The following ABR variants were observed in gnomAD, a reference collection of about 807,000 sequenced individuals.
ABR encodes the protein ABR activator of RhoGEF and GTPase, also known as active breakpoint cluster region-related protein.
In ABR, 35 loss-of-function variants were observed where a neutral mutation model predicts 107.2. That is an observed-to-expected ratio of 0.33 (90% CI 0.25 to 0.43). The LOEUF (loss-of-function observed/expected upper bound fraction) is 0.43. ABR is among the 20% of genes least tolerant of loss of function. The pLI, the probability that ABR is intolerant of heterozygous loss-of-function variation, is 1.00. For synonymous variants in ABR, 498 were observed against 462.0 expected, an observed-to-expected ratio of 1.08 and a Z score of -1.00; for missense variants, 815 against 1,115.2, an observed-to-expected ratio of 0.73 and a Z score of 3.83.
At chr17:1,123,304 G>A (rs1263763325) in intron 2 of ABR, among the ~76,000 whole-genome samples, 1 of 152,126 alleles carries the variant, frequency 6.6e-6, no homozygotes, top group Non-Finnish European at 1.5e-5. Context: ...AACCCTGGGG[G>A]CCACAAGCAC....
chr17:1,012,572 CG>C lies in ABR; in HGVS notation c.1961+115del, dbSNP rs765550344. The C allele has an allele frequency of 2.1e-4, 164 of 773,038 alleles. No individual in the cohort carries two copies. In the African/African-American group the frequency reaches 2.4e-3, roughly 12 times the overall value. 47.9% of individuals were successfully genotyped at this position (773,038 alleles called of 1,614,324 possible). A position where few individuals can be genotyped will look rare whatever the true frequency, so the allele number is the denominator to read the frequency against. ...ACACCGGCCATCTGCCACCGCCGAG[CG>C]GGGGGTAACTGATTAGGTGCCAGGA... On this transcript the variant is annotated intron_variant, in intron 18 of 22. Coordinates refer to ENST00000302538, the MANE Select transcript of ABR (RefSeq NM_021962.5).
upstream of ABR, chr17:1,180,016 G>A (rs1241846773): frequency 4.5e-6 from 1 of 223,308 alleles, no homozygotes; most frequent in East Asian, 7.9e-5. Context: ...GTGGGGCTTC[G>A]TGGTGGGGCG....
At chr17:1,144,354 C>T (rs2040438234) in intron 1 of ABR, among the ~76,000 whole-genome samples, 1 of 151,710 alleles carries the variant, frequency 6.6e-6, no homozygotes, top group Non-Finnish European at 1.5e-5. Context: ...ACCCCCAGCT[C>T]CGTTACGAGT....
At position 1,203,429 on chromosome 17, in the gene ABR, C is replaced by T. The variant is rs537672484; in HGVS notation, c.838+25364G>A. Among the ~76,000 whole-genome samples the T allele has an allele frequency of 4.6e-3, 28 of 6,068 alleles. 7 individuals carry two copies. The East Asian group carries it at 0.095, about 21-fold the overall frequency. 4.0% of individuals were successfully genotyped at this position (6,068 alleles called of 152,430 possible). The stretch of plus-strand genomic sequence containing the variant: ...GGGCGGAGTCTGCGGGGGCGGGGCC[C>T]GCGGGGACGGAGTCTGCGGGGGCGG... On this transcript the variant is annotated intron_variant, in intron 1 of 22. Transcript: ENST00000574139.
At chr17:1,096,109 C>G (rs955447490) in intron 3 of ABR, among the ~76,000 whole-genome samples, 1 of 152,104 alleles carries the variant, frequency 6.6e-6, no homozygotes, top group Non-Finnish European at 1.5e-5. Context: ...TTTTTTCCTT[C>G]ACCCCCTACT....
intron 16 of ABR, among the ~76,000 whole-genome samples, chr17:1,018,618 G>A (rs999724882): frequency 3.9e-5 from 6 of 152,154 alleles, no homozygotes; most frequent in African/African-American, 1.4e-4. Flanking sequence ...GGGGGAGTGT[G>A]CAGGATTTGG....
chr17:1,035,084 G>A (rs530296198), intron 16 of ABR, among the ~76,000 whole-genome samples: 2 of 151,986 alleles, frequency 1.3e-5, no homozygotes, highest in South Asian at 4.1e-4. Context: ...ATGGACTGGG[G>A]GCTTCCTCTG....
intron 2 of ABR, among the ~76,000 whole-genome samples, chr17:1,105,523 A>G (rs1202498812): frequency 1.3e-5 from 2 of 152,326 alleles, no homozygotes; most frequent in East Asian, 3.9e-4. Flanking sequence ...TGCAGGCACA[A>G]GAGACCTGGG....
chr17:1,026,084 G>A (rs2072170889), intron 16 of ABR, among the ~76,000 whole-genome samples: 3 of 152,232 alleles, frequency 2.0e-5, no homozygotes, highest in Non-Finnish European at 4.4e-5. Context: ...AGGGTTTAAG[G>A]TTTAGGACTA....
chr17:1,014,939 C>T (rs2071024834), intron 16 of ABR, among the ~76,000 whole-genome samples: 1 of 152,128 alleles, frequency 6.6e-6, no homozygotes, highest in South Asian at 2.1e-4. Flanking sequence ...GTTTCTATTC[C>T]ATTTCTCCTA....
In ABR at chr17:1,092,695, A is replaced by C. The variant is rs1469942309; in HGVS notation, c.346-845T>G. ...AAATCACCTACAATGAATGAATATGAATAATCAGAAAAAAAAAAACCAAAG... is the reference window on the plus strand; with the variant it reads ...AAATCACCTACAATGAATGAATATGCATAATCAGAAAAAAAAAAACCAAAG... On this transcript the variant is annotated intron_variant, in intron 3 of 22. Transcript: ENST00000302538. The surrounding 1 kb of genome is among the most constrained non-coding windows in gnomAD (Gnocchi z 4.6). Among the ~76,000 whole-genome samples the C allele has an allele frequency of 1.1e-5, 1 of 88,244 alleles. No individual in the cohort carries two copies. The highest frequency in any genetic ancestry group is 1.2e-4 in the Admixed American group (1 of 8,514). The allele number at this position is 88,244 out of a possible 152,430, so 57.9% of individuals were successfully genotyped here. A position where few individuals can be genotyped will look rare whatever the true frequency, so the allele number is the denominator to read the frequency against.
At chr17:1,091,295 GGGAGCACCGTCCGGGAAAGAC>G (rs1167263857) in intron 4 of ABR, among the ~76,000 whole-genome samples, 3 of 151,670 alleles carry the variant, frequency 2.0e-5, no homozygotes, top group East Asian at 1.9e-4. Flanking sequence ...GGGAGAGAGA[GGGAGCACCGTCCGGGAAAGAC>G]GGAGCACCCT....
At chr17:1,183,815 G>T (rs550283070), upstream of ABR, among the ~76,000 whole-genome samples, 2 of 152,204 alleles carry the variant, frequency 1.3e-5, no homozygotes, top group East Asian at 3.9e-4. Context: ...GGGTGGGAGG[G>T]AGTGGGGCCC....
At chr17:1,081,628 G>C (rs2036243072) in intron 5 of ABR, among the ~76,000 whole-genome samples, 1 of 152,154 alleles carries the variant, frequency 6.6e-6, no homozygotes, top group Admixed American at 6.5e-5. Context: ...CCAGACTGGA[G>C]TGCAGTGGCG....
chr17:1,169,503 G>T (rs563118241), intron 1 of ABR, among the ~76,000 whole-genome samples: 97 of 152,326 alleles, frequency 6.4e-4, no homozygotes, highest in African/African-American at 2.1e-3. Context: ...GCTACAGAAG[G>T]GTCTGGCTTG....
At chr17:1,083,784 T>G (rs2036419145) in intron 4 of ABR, 157 bp from the exon 5 acceptor site, 1 of 648,326 alleles carries the variant, frequency 1.5e-6, no homozygotes, top group Admixed American at 2.2e-5. Context: ...ATGAACATAT[T>G]ACAGTGTCCC....
intron 2 of ABR, among the ~76,000 whole-genome samples, chr17:1,114,794 G>T (rs2038909742): frequency 6.6e-6 from 1 of 152,090 alleles, no homozygotes; most frequent in East Asian, 1.9e-4. Flanking sequence ...GCAGTGGTTA[G>T]AGATGCTGGT....
At chr17:1,074,875 G>A (rs956473382) in intron 6 of ABR, among the ~76,000 whole-genome samples, 1 of 152,244 alleles carries the variant, frequency 6.6e-6, no homozygotes, top group African/African-American at 2.4e-5. Flanking sequence ...GAACCCGGGA[G>A]GCGGAAGTTG....
intron 2 of ABR, chr17:1,115,253 T>C (rs1567783210): frequency 6.6e-6 from 1 of 152,426 alleles, no homozygotes; most frequent in African/African-American, 2.4e-5. Flanking sequence ...ACAAGAGCCG[T>C]GGGGCCCCAG....
Sources: gnomAD v4.1 joint callset for allele counts (sites outside exome capture counted in the v4.1 genomes callset) on GRCh38, gnomAD v4.1.1 for gene constraint, Gnocchi (gnomAD v3.1) non-coding constraint, MANE v1.5 for transcripts, NCBI Gene and HGNC (gene_info 2026-07-23, HGNC 2026-07-21) for gene names.